UBE2E2: variants seen among roughly 807,000 people sequenced by gnomAD.
UBE2E2 encodes the protein ubiquitin conjugating enzyme E2 E2.
Under a neutral mutation model 24.7 loss-of-function variants are expected in UBE2E2, and 6 were observed. The ratio of observed to expected loss-of-function variants is 0.24; its 90% CI spans 0.13 to 0.48. The LOEUF is 0.48. Ranked by LOEUF, UBE2E2 falls within the 20% of genes least tolerant of loss-of-function variation. The probability of loss-of-function intolerance (pLI) is 0.99; values close to 1 mark genes in which losing one functional copy is unlikely to be tolerated. For synonymous variants in UBE2E2, 104 were observed against 83.6 expected (o/e 1.24, Z -1.33); for missense variants, 169 against 245.0 (o/e 0.69, Z 2.07).
chr3:23,226,556 G>A (rs1696831734), intron 3 of UBE2E2, among the ~76,000 whole-genome samples: 1 of 152,192 alleles, frequency 6.6e-6, no homozygotes, highest in South Asian at 2.1e-4. Flanking sequence ...ACATCTTTAA[G>A]GAGGGATGTG....
chr3:23,295,313 G>T (rs1252364940), intron 3 of UBE2E2, among the ~76,000 whole-genome samples: 1 of 151,568 alleles, frequency 6.6e-6, no homozygotes, highest in Admixed American at 6.6e-5. Flanking sequence ...TTTGTTTTTG[G>T]CTGTCTTTGC....
At chr3:23,511,235 A>G (rs754594847) in intron 4 of UBE2E2, among the ~76,000 whole-genome samples, 3 of 152,228 alleles carry the variant, frequency 2.0e-5, no homozygotes, top group East Asian at 1.9e-4. Context: ...GCCAATAGCA[A>G]TCTCCCCTGT....
chr3:23,381,933 C>G (rs1696680087), intron 3 of UBE2E2, among the ~76,000 whole-genome samples: 1 of 152,166 alleles, frequency 6.6e-6, no homozygotes, highest in African/African-American at 2.4e-5. Flanking sequence ...TGGCTGCTTA[C>G]TGTGGGGTCT....
intron 3 of UBE2E2, among the ~76,000 whole-genome samples, chr3:23,382,655 T>G (rs1171558721): frequency 1.3e-5 from 2 of 152,228 alleles, no homozygotes; most frequent in African/African-American, 4.8e-5. Flanking sequence ...AAATTAGACA[T>G]TTTAAAAAAC....
At chr3:23,363,778 A>G (rs1344318978) in intron 3 of UBE2E2, among the ~76,000 whole-genome samples, 3 of 152,164 alleles carry the variant, frequency 2.0e-5, no homozygotes, top group Admixed American at 6.6e-5. Flanking sequence ...CCAGAGCTCA[A>G]CATTTGACCA....
At chr3:23,310,750 A>G (rs1694355926) in intron 3 of UBE2E2, among the ~76,000 whole-genome samples, 1 of 152,130 alleles carries the variant, frequency 6.6e-6, no homozygotes, top group African/African-American at 2.4e-5. Flanking sequence ...ATGCATACTC[A>G]TACACATAAA....
chr3:23,434,160 C>A (rs948919407), intron 3 of UBE2E2, among the ~76,000 whole-genome samples: 7 of 152,100 alleles, frequency 4.6e-5, no homozygotes, highest in Non-Finnish European at 8.8e-5. Flanking sequence ...TGTGGGTGTT[C>A]CGCTTATTTT....
intron 3 of UBE2E2, among the ~76,000 whole-genome samples, chr3:23,289,498 A>G (rs998432509): frequency 1.5e-4 from 23 of 152,212 alleles, no homozygotes; most frequent in Admixed American, 2.0e-4. Context: ...CGACTTCTAG[A>G]TACAATTTTT....
At chr3:23,578,613 A>T (rs539475866) in intron 5 of UBE2E2, among the ~76,000 whole-genome samples, 1 of 152,322 alleles carries the variant, frequency 6.6e-6, no homozygotes, top group East Asian at 1.9e-4. Flanking sequence ...AAGGAACAAG[A>T]TCATGTCCTT....
At chr3:23,473,891 A>G (rs1699075609) in intron 3 of UBE2E2, among the ~76,000 whole-genome samples, 1 of 152,026 alleles carries the variant, frequency 6.6e-6, no homozygotes, top group African/African-American at 2.4e-5. Flanking sequence ...TTTTCATATA[A>G]TGACTTCTTT....
At chr3:23,250,362 G>A (rs1697539836) in intron 3 of UBE2E2, among the ~76,000 whole-genome samples, 1 of 152,130 alleles carries the variant, frequency 6.6e-6, no homozygotes, top group African/African-American at 2.4e-5. Context: ...CTGCTTTGAG[G>A]TTTCTGAGAC....
intron 4 of UBE2E2, among the ~76,000 whole-genome samples, chr3:23,511,927 T>TTC (rs1694602815): frequency 6.6e-6 from 1 of 152,210 alleles, no homozygotes; most frequent in Admixed American, 6.5e-5. Flanking sequence ...TGCAGTGGCC[T>TTC]TCTGCAGGGC....
At position 23,351,165 on chromosome 3, in the gene UBE2E2, A is replaced by C. The variant is rs368078604; in HGVS notation, c.227+133853A>C. Among the ~76,000 whole-genome samples the C allele has an allele frequency of 1.2e-3, 183 of 152,258 alleles. 3 individuals carry two copies. In the South Asian group the frequency reaches 0.035, roughly 29 times the overall value. On this transcript the variant is annotated intron_variant, in intron 3 of 5. Transcript: ENST00000396703. ...TTCATAAGTGAAGGAGAAATAAAATACTTTACAGACAAGCAAATGCTGAGA... is the reference window on the plus strand; with the variant it reads ...TTCATAAGTGAAGGAGAAATAAAATCCTTTACAGACAAGCAAATGCTGAGA...
intron 4 of UBE2E2, among the ~76,000 whole-genome samples, chr3:23,513,993 C>T (rs1248592651): frequency 6.6e-6 from 1 of 152,192 alleles, no homozygotes; most frequent in Non-Finnish European, 1.5e-5. Flanking sequence ...CACTGCCCTG[C>T]TTAAAACTCT....
chr3:23,591,762 A>T lies in UBE2E2; in HGVS notation c.*1931A>T, dbSNP rs1040814427. On this transcript the variant is annotated 3_prime_UTR_variant, in exon 6 of 6. Coordinates refer to ENST00000396703, the MANE Select transcript of UBE2E2 (RefSeq NM_152653.4). ...TAACGATGTGTCATTTCTTTCTTTAACATAAAATAAATTCAATATGGTACA... is the reference window on the plus strand; with the variant it reads ...TAACGATGTGTCATTTCTTTCTTTATCATAAAATAAATTCAATATGGTACA... 1 of 152,208 alleles carries T rather than the reference A, an allele frequency of 6.6e-6. No homozygotes were observed. The highest frequency in any genetic ancestry group is 1.5e-5 in the Non-Finnish European group (1 of 68,042). 9.4% of individuals were successfully genotyped at this position (152,208 alleles called of 1,614,324 possible).
At chr3:23,336,086 A>G (rs1695201763) in intron 3 of UBE2E2, among the ~76,000 whole-genome samples, 4 of 152,290 alleles carry the variant, frequency 2.6e-5, no homozygotes, top group Admixed American at 2.0e-4. Flanking sequence ...TTCACTTACT[A>G]GTAAAAGTGA....
At chr3:23,318,357 A>G (rs1487573857) in intron 3 of UBE2E2, among the ~76,000 whole-genome samples, 1 of 152,190 alleles carries the variant, frequency 6.6e-6, no homozygotes, top group Non-Finnish European at 1.5e-5. Context: ...AAATCAGATT[A>G]TACAATTAGC....
At chr3:23,455,608 T>G (rs961810421) in intron 3 of UBE2E2, among the ~76,000 whole-genome samples, 1 of 152,092 alleles carries the variant, frequency 6.6e-6, no homozygotes, top group Non-Finnish European at 1.5e-5. Context: ...GGAGGATCAC[T>G]TGAGCCCAGG....
At chr3:23,408,459 GT>G (rs779111500) in intron 3 of UBE2E2, among the ~76,000 whole-genome samples, 5 of 152,158 alleles carry the variant, frequency 3.3e-5, no homozygotes, top group African/African-American at 7.2e-5. Flanking sequence ...TCCTGCAGCA[GT>G]TTTTCTCAGT....
Sources: allele counts gnomAD v4.1 joint callset (sites outside exome capture counted in the v4.1 genomes callset), GRCh38; gene constraint gnomAD v4.1.1; transcripts MANE v1.5; gene names NCBI Gene and HGNC (gene_info 2026-07-23, HGNC 2026-07-21).